The following PDE1C variants were observed in gnomAD, a reference collection of about 807,000 sequenced individuals.
PDE1C encodes phosphodiesterase 1C.
A neutral mutation model predicts 93.1 loss-of-function variants in PDE1C; 62 were observed. The observed-to-expected ratio is 0.67, with a 90% CI of 0.54 to 0.82. The LOEUF is 0.82. PDE1C is among the 40% of genes least tolerant of loss of function. The probability of loss-of-function intolerance (pLI) is 0.00; values close to 1 mark genes in which losing one functional copy is unlikely to be tolerated. For synonymous variants in PDE1C, 325 were observed against 310.1 expected, an observed-to-expected ratio of 1.05 and a Z score of -0.50; for missense variants, 742 against 884.6, an observed-to-expected ratio of 0.84 and a Z score of 2.04.
At chr7:32,326,851 G>A (rs1205714747) in intron 1 of PDE1C, among the ~76,000 whole-genome samples, 1 of 152,140 alleles carries the variant, frequency 6.6e-6, no homozygotes, top group Non-Finnish European at 1.5e-5. Context: ...TGATGGGAAT[G>A]ATAACAATCT....
At chr7:32,374,557 G>GA (rs1333058473) in intron 1 of PDE1C, among the ~76,000 whole-genome samples, 2 of 152,238 alleles carry the variant, frequency 1.3e-5, no homozygotes, top group African/African-American at 4.8e-5. Flanking sequence ...GCATCAGAGT[G>GA]AAAGAGCCAC....
At chr7:31,694,876 A>G in the PDE1C span, among the ~76,000 whole-genome samples, 3 of 152,186 alleles carry the variant, frequency 2.0e-5, no homozygotes, top group South Asian at 6.2e-4. Context: ...TAAATAAATG[A>G]GTCAGAAGAC....
intron 1 of PDE1C, among the ~76,000 whole-genome samples, chr7:32,374,158 AAG>A (rs1160370756): frequency 2.8e-4 from 11 of 39,144 alleles, no homozygotes; most frequent in South Asian, 1.2e-3. Flanking sequence ...GAAAGAAAGA[AAG>A]AGAAAGAAAG....
chr7:32,228,614 T>C (rs1356465476), intron 1 of PDE1C, among the ~76,000 whole-genome samples: 1 of 152,138 alleles, frequency 6.6e-6, no homozygotes, highest in Non-Finnish European at 1.5e-5. Context: ...GAAAGGGGCC[T>C]CAAAGGCTCA....
At chr7:32,017,656 C>T (rs528017340) in intron 2 of PDE1C, among the ~76,000 whole-genome samples, 44 of 152,070 alleles carry the variant, frequency 2.9e-4, no homozygotes, top group Non-Finnish European at 3.2e-4. Context: ...ATTATTAAAA[C>T]GACAAACAAC....
At chr7:31,897,233 G>A (rs1799426800) in intron 2 of PDE1C, among the ~76,000 whole-genome samples, 1 of 152,220 alleles carries the variant, frequency 6.6e-6, no homozygotes, top group African/African-American at 2.4e-5. Flanking sequence ...TGCAGGTGCA[G>A]TCAGGGAAGG....
the PDE1C span, among the ~76,000 whole-genome samples, chr7:31,712,587 A>T: frequency 6.6e-6 from 1 of 152,214 alleles, no homozygotes; most frequent in South Asian, 2.1e-4. Flanking sequence ...AGCAGGGGTC[A>T]GCTGCTTGCC....
chr7:31,863,239 T>C (rs1794887423), intron 7 of PDE1C, among the ~76,000 whole-genome samples: 1 of 152,208 alleles, frequency 6.6e-6, no homozygotes, highest in Non-Finnish European at 1.5e-5. Flanking sequence ...CTGCTGGGAA[T>C]GTACATTTTT....
At chr7:32,224,954 C>T (rs1425698001) in intron 1 of PDE1C, among the ~76,000 whole-genome samples, 1 of 151,176 alleles carries the variant, frequency 6.6e-6, no homozygotes, top group African/African-American at 2.4e-5. Context: ...AGAAGGAAGG[C>T]TGGCAATGAA....
At chr7:31,643,649 C>G in the PDE1C span, 3 of 1,613,934 alleles carry the variant, frequency 1.9e-6, no homozygotes, top group African/African-American at 4.0e-5. Context: ...TTAAATGATG[C>G]TTCCATTCAG....
the PDE1C span, among the ~76,000 whole-genome samples, chr7:31,737,787 C>T: frequency 6.8e-4 from 87 of 128,370 alleles, 1 homozygote; most frequent in African/African-American, 2.5e-3. Flanking sequence ...GGTGAGAGAG[C>T]GACACTCCAT....
At chr7:32,425,323 C>T (rs1214127972) in intron 1 of PDE1C, among the ~76,000 whole-genome samples, 27 of 152,070 alleles carry the variant, frequency 1.8e-4, no homozygotes, top group East Asian at 1.9e-4. Context: ...GCCTCATCTG[C>T]AATTCCAGCT....
chr7:31,670,868 G>C, the PDE1C span, among the ~76,000 whole-genome samples: 1 of 152,154 alleles, frequency 6.6e-6, no homozygotes, highest in Non-Finnish European at 1.5e-5. Flanking sequence ...GCAGCAGAGA[G>C]GAGAAGCAGC....
intron 3 of PDE1C, among the ~76,000 whole-genome samples, chr7:32,095,974 A>G (rs976312639): frequency 6.6e-6 from 1 of 152,176 alleles, no homozygotes; most frequent in Non-Finnish European, 1.5e-5. Flanking sequence ...TGTTGCATAT[A>G]ATTAGTCATT....
At chr7:31,901,410 A>G (rs1799967653) in intron 2 of PDE1C, among the ~76,000 whole-genome samples, 2 of 150,416 alleles carry the variant, frequency 1.3e-5, no homozygotes, top group South Asian at 4.2e-4. Flanking sequence ...GTATATATCT[A>G]GGAAAAAATG....
chr7:32,251,866 G>A (rs1251903706), intron 1 of PDE1C, among the ~76,000 whole-genome samples: 2 of 152,148 alleles, frequency 1.3e-5, no homozygotes, highest in Admixed American at 1.3e-4. Flanking sequence ...AGCCCAGGGT[G>A]TCACCTGCTA....
At chr7:32,036,107 T>A (rs150013498) in intron 2 of PDE1C, among the ~76,000 whole-genome samples, 112 of 152,296 alleles carry the variant, frequency 7.4e-4, no homozygotes, top group Middle Eastern at 3.4e-3. Context: ...GGTTTCTCCA[T>A]TCACAAATTG....
At position 32,324,391 on chromosome 7, in the gene PDE1C, C is replaced by T. The variant is rs141846638; in HGVS notation, c.310+103431G>A. 1.1e-3 allele frequency among the ~76,000 whole-genome samples: 174 copies of T among 152,300 alleles called. 1 individual carries two copies. The highest frequency in any genetic ancestry group is 4.0e-3 in the African/African-American group (168 of 41,562). On this transcript the variant is annotated intron_variant, in intron 1 of 1. Coordinates refer to the PDE1C transcript ENST00000672256. ...TCATAATTATTCTAAATTTCCCAGT[C>T]GGAGGACCCCACTTACCCTAGCAAC...
chr7:32,233,518 GAA>G (rs1807856385), intron 1 of PDE1C, among the ~76,000 whole-genome samples: 1 of 152,018 alleles, frequency 6.6e-6, no homozygotes, highest in African/African-American at 2.4e-5. Context: ...TCAACCAACA[GAA>G]AGCAGGAGTG....
Sources: gnomAD v4.1 joint callset for allele counts (sites outside exome capture counted in the v4.1 genomes callset) on GRCh38, gnomAD v4.1.1 for gene constraint, MANE v1.5 for transcripts, NCBI Gene and HGNC (gene_info 2026-07-23, HGNC 2026-07-21) for gene names.